The following EXOC6B variants were observed in gnomAD, a reference collection of about 807,000 sequenced individuals.
EXOC6B encodes exocyst complex component 6B.
A neutral mutation model predicts 113.5 loss-of-function variants in EXOC6B; 54 were observed. That is an observed-to-expected ratio of 0.48 (90% CI 0.38 to 0.60). The LOEUF (loss-of-function observed/expected upper bound fraction) is 0.60, where lower values mean the gene tolerates loss of function less well. EXOC6B is among the 20% of genes least tolerant of loss of function. The pLI is 0.00. For missense variants in EXOC6B, 797 were observed against 977.5 expected (o/e 0.82, Z 2.46); for synonymous variants, 357 against 339.0 (o/e 1.05, Z -0.58).
At chr2:72,481,514 C>T (rs998477205) in intron 16 of EXOC6B, among the ~76,000 whole-genome samples, 11 of 152,048 alleles carry the variant, frequency 7.2e-5, no homozygotes, top group African/African-American at 1.7e-4. Context: ...GGCAACAAGA[C>T]GTTTCAAAAT....
intron 20 of EXOC6B, among the ~76,000 whole-genome samples, chr2:72,218,228 T>G: frequency 6.6e-6 from 1 of 152,246 alleles, no homozygotes; most frequent in African/African-American, 2.4e-5. Flanking sequence ...AAGTGGCAAC[T>G]TAGCGTTCAA....
At chr2:72,812,248 A>G (rs1260792512) in intron 1 of EXOC6B, among the ~76,000 whole-genome samples, 4 of 152,230 alleles carry the variant, frequency 2.6e-5, no homozygotes, top group Non-Finnish European at 5.9e-5. Context: ...ATGAAGACAC[A>G]GACGCCGAAA....
At chr2:72,337,221 T>C (rs182449125) in intron 19 of EXOC6B, among the ~76,000 whole-genome samples, 3 of 152,168 alleles carry the variant, frequency 2.0e-5, no homozygotes, top group African/African-American at 7.2e-5. Context: ...AGCTATTCTT[T>C]TTGACTACTT....
At chr2:72,501,763 C>CT (rs34702887) in intron 11 of EXOC6B, among the ~76,000 whole-genome samples, 13 of 139,706 alleles carry the variant, frequency 9.3e-5, no homozygotes, top group Non-Finnish European at 1.4e-4. Context: ...AAAAAAAACA[C>CT]TTTTTTTTTT....
At chr2:72,808,825 C>A (rs979811440) in intron 1 of EXOC6B, among the ~76,000 whole-genome samples, 15 of 152,176 alleles carry the variant, frequency 9.9e-5, no homozygotes, top group African/African-American at 3.6e-4. Context: ...GTAATTCCAA[C>A]ACTTTGGGAG....
At chr2:72,496,363 A>C in intron 14 of EXOC6B, 91 bp downstream of exon 14, 1 of 739,606 alleles carries the variant, frequency 1.4e-6, no homozygotes, top group Non-Finnish European at 2.4e-6. Context: ...CCATTGAGTT[A>C]AAGGTAATGC....
At chr2:72,692,542 G>A (rs567293331) in intron 6 of EXOC6B, among the ~76,000 whole-genome samples, 1 of 151,954 alleles carries the variant, frequency 6.6e-6, no homozygotes, top group South Asian at 2.1e-4. Flanking sequence ...TAGAAGAGAC[G>A]GGGTTTCACC....
intron 17 of EXOC6B, among the ~76,000 whole-genome samples, chr2:72,469,426 G>A (rs1049558142): frequency 1.3e-5 from 2 of 151,910 alleles, no homozygotes; most frequent in African/African-American, 4.8e-5. Flanking sequence ...TCTAATATAT[G>A]TTATTAATGG....
rs1490444892 is a variant in EXOC6B, at chr2:72,401,537, A to G, written c.1981-21667T>C. Reference sequence around the variant, plus strand: ...TATACATATATACATATATATATATATATATATGTGTATATATATATATAT... The same window carrying G: ...TATACATATATACATATATATATATGTATATATGTGTATATATATATATAT... On this transcript the variant is annotated intron_variant, in intron 18 of 21. Transcript: ENST00000272427. Among the ~76,000 whole-genome samples, 10 of 31,758 alleles carry G rather than the reference A, an allele frequency of 3.1e-4. No homozygotes were observed. The Admixed American group carries it at 3.5e-3, about 11-fold the overall frequency. 20.8% of individuals were successfully genotyped at this position (31,758 alleles called of 152,430 possible). A position where few individuals can be genotyped will look rare whatever the true frequency, so the allele number is the denominator to read the frequency against.
intron 6 of EXOC6B, among the ~76,000 whole-genome samples, chr2:72,625,231 A>G (rs1671982395): frequency 6.6e-6 from 1 of 151,432 alleles, no homozygotes; most frequent in South Asian, 2.1e-4. Flanking sequence ...AGTTTAAAAT[A>G]CATATATATA....
chr2:72,777,119 T>G (rs1428977545), intron 1 of EXOC6B, among the ~76,000 whole-genome samples: 1 of 152,086 alleles, frequency 6.6e-6, no homozygotes, highest in Non-Finnish European at 1.5e-5. Flanking sequence ...CACATGCCTG[T>G]AATCCCAGCT....
At chr2:72,762,806 T>C (rs1325217343) in intron 1 of EXOC6B, among the ~76,000 whole-genome samples, 1 of 151,960 alleles carries the variant, frequency 6.6e-6, no homozygotes, top group Non-Finnish European at 1.5e-5. Context: ...TAAAAAAAGA[T>C]TGCTGATTGT....
At chr2:72,564,689 C>T (rs1252002122) in intron 7 of EXOC6B, among the ~76,000 whole-genome samples, 3 of 152,132 alleles carry the variant, frequency 2.0e-5, no homozygotes, top group Non-Finnish European at 4.4e-5. Context: ...GGGTAGAATT[C>T]ATTTGGATAT....
At chr2:72,782,654 T>C (rs1158209425) in intron 1 of EXOC6B, among the ~76,000 whole-genome samples, 1 of 152,156 alleles carries the variant, frequency 6.6e-6, no homozygotes, top group East Asian at 1.9e-4. Context: ...CGGTACCCAT[T>C]AACCAGCTTC....
At chr2:72,236,534 AT>A (rs761072135) in intron 20 of EXOC6B, among the ~76,000 whole-genome samples, 13 of 152,050 alleles carry the variant, frequency 8.5e-5, no homozygotes, top group Non-Finnish European at 1.5e-4. Context: ...AATTCAAGTA[AT>A]TTTAGTTTCT....
rs567376331 is a variant in EXOC6B at position 72,228,569 on chromosome 2, T to A, written c.2197-44382A>T. ...CTGAGAATGATGGTTTCCAGCTTCA[T>A]CCATGTCCCTACAAAGGACATGAAC... On this transcript the variant is annotated intron_variant, in intron 20 of 21. Transcript: ENST00000272427. Among the ~76,000 whole-genome samples, 21 of 152,268 alleles carry A rather than the reference T, an allele frequency of 1.4e-4. 1 individual carries two copies. In the South Asian group the frequency reaches 4.3e-3, roughly 32 times the overall value.
At chr2:72,658,709 G>T (rs1157314739) in intron 6 of EXOC6B, among the ~76,000 whole-genome samples, 1 of 152,096 alleles carries the variant, frequency 6.6e-6, no homozygotes, top group African/African-American at 2.4e-5. Context: ...TACTTCTATT[G>T]AGAGTTAGTA....
intron 6 of EXOC6B, among the ~76,000 whole-genome samples, chr2:72,601,176 GTA>G (rs113234218): frequency 6.8e-5 from 10 of 147,538 alleles, no homozygotes; most frequent in Non-Finnish European, 1.3e-4. Context: ...GTGTGTGTGT[GTA>G]TATCTTTTTT....
chr2:72,453,884 T>C (rs1697052871), intron 18 of EXOC6B, among the ~76,000 whole-genome samples: 1 of 152,208 alleles, frequency 6.6e-6, no homozygotes, highest in Non-Finnish European at 1.5e-5. Context: ...GAAGTTTAAT[T>C]GACTCACAAT....
Sources: gnomAD v4.1 joint callset for allele counts (sites outside exome capture counted in the v4.1 genomes callset) on GRCh38, gnomAD v4.1.1 for gene constraint, MANE v1.5 for transcripts, NCBI Gene and HGNC (gene_info 2026-07-23, HGNC 2026-07-21) for gene names.